The following ANK3 variants were observed in gnomAD, a reference collection of about 807,000 sequenced individuals.
ANK3 encodes the protein ankyrin 3.
Under a neutral mutation model 370.9 loss-of-function variants are expected in ANK3, and 57 were observed. The observed-to-expected ratio is 0.15, with a 90% CI of 0.12 to 0.19. The LOEUF (loss-of-function observed/expected upper bound fraction) is 0.19, where lower values mean the gene tolerates loss of function less well. Among genes scored for constraint, ANK3 ranks in the 10% least tolerant of loss-of-function variants. The pLI is 1.00. For missense variants in ANK3, 4,439 were observed against 5,302.1 expected (o/e 0.84, Z 5.06); for synonymous variants, 1,929 against 1,946.3 (o/e 0.99, Z 0.23).
At chr10:60,176,727 C>G (rs559346085) in intron 18 of ANK3, among the ~76,000 whole-genome samples, 1 of 152,196 alleles carries the variant, frequency 6.6e-6, no homozygotes, top group East Asian at 1.9e-4. Context: ...CAACTGCACT[C>G]CAGCCTGAGT....
chr10:60,407,698 G>C (rs2063482741), intron 2 of ANK3, among the ~76,000 whole-genome samples: 1 of 152,104 alleles, frequency 6.6e-6, no homozygotes, highest in Admixed American at 6.5e-5. Context: ...TGTAAACTGA[G>C]GCTCAAGAGA....
intron 7 of ANK3, among the ~76,000 whole-genome samples, chr10:60,240,306 A>ATATATATATATATATTT (rs11282162): frequency 1.7e-5 from 2 of 119,754 alleles, no homozygotes; most frequent in Middle Eastern, 4.7e-3. Context: ...ATATATATAT[A>ATATATATATATATATTT]TTTTTTTTTC....
At chr10:60,181,926 A>G (rs548491628) in intron 17 of ANK3, among the ~76,000 whole-genome samples, 1 of 152,208 alleles carries the variant, frequency 6.6e-6, no homozygotes, top group East Asian at 1.9e-4. Flanking sequence ...AGCCTTGTAT[A>G]CTCATCACAG....
At chr10:60,370,724 T>C (rs2059993951) in intron 1 of ANK3, among the ~76,000 whole-genome samples, 1 of 152,122 alleles carries the variant, frequency 6.6e-6, no homozygotes, top group Non-Finnish European at 1.5e-5. Flanking sequence ...TTCTCAAAAT[T>C]ATTCAGTAAT....
At chr10:60,163,049 A>T (rs2095536930) in intron 23 of ANK3, among the ~76,000 whole-genome samples, 1 of 152,128 alleles carries the variant, frequency 6.6e-6, no homozygotes, top group African/African-American at 2.4e-5. Context: ...CGCCAAACTC[A>T]ATCACTTGAA....
intron 2 of ANK3, among the ~76,000 whole-genome samples, chr10:60,512,512 G>C (rs1260548292): frequency 6.6e-6 from 1 of 152,134 alleles, no homozygotes; most frequent in Non-Finnish European, 1.5e-5. Flanking sequence ...AGATCTTTCT[G>C]CAGGAGAAAA....
rs531655632 is a variant in ANK3, at chr10:60,279,719, A to G, written c.115-80T>C. On this transcript the variant is annotated intron_variant, in intron 1 of 43. Transcript: ENST00000280772. ...ATAAACTATCCAGCTTAAGGTCCAA[A>G]CTAAAATAATTGAACTCTTTTATTT... The G allele has an allele frequency of 1.1e-5, 11 of 1,045,038 alleles. No individual in the cohort carries two copies. The Admixed American group carries it at 1.2e-4, about 11-fold the overall frequency. The allele number at this position is 1,045,038 out of a possible 1,614,324, so 64.7% of individuals were successfully genotyped here. A position where few individuals can be genotyped will look rare whatever the true frequency, so the allele number is the denominator to read the frequency against.
intron 7 of ANK3, among the ~76,000 whole-genome samples, chr10:60,245,130 C>T (rs1300514692): frequency 6.6e-6 from 1 of 152,026 alleles, no homozygotes; most frequent in East Asian, 1.9e-4. Flanking sequence ...GATTGCGCCA[C>T]TGCACTCCAG....
chr10:60,482,281 C>G (rs1235813724), intron 2 of ANK3, among the ~76,000 whole-genome samples: 1 of 152,176 alleles, frequency 6.6e-6, no homozygotes, highest in Non-Finnish European at 1.5e-5. Context: ...ACATTCATAA[C>G]AGGGGACACT....
At chr10:60,343,415 T>C (rs2132990554) in intron 1 of ANK3, among the ~76,000 whole-genome samples, 1 of 152,246 alleles carries the variant, frequency 6.6e-6, no homozygotes, top group South Asian at 2.1e-4. Flanking sequence ...TTTAAAGTTA[T>C]AAACGTAATC....
chr10:60,429,057 C>A (rs1567033263), intron 2 of ANK3, among the ~76,000 whole-genome samples: 1 of 152,038 alleles, frequency 6.6e-6, no homozygotes, highest in East Asian at 1.9e-4. Context: ...AATTCAACTG[C>A]CAAAAATAAA....
chr10:60,174,581 C>G (rs980225719), intron 18 of ANK3, among the ~76,000 whole-genome samples: 1 of 152,156 alleles, frequency 6.6e-6, no homozygotes, highest in Non-Finnish European at 1.5e-5. Flanking sequence ...AGAACTTCCC[C>G]TTACAAGTCA....
At chr10:60,447,229 T>C (rs138382337) in intron 2 of ANK3, among the ~76,000 whole-genome samples, 130 of 151,640 alleles carry the variant, frequency 8.6e-4, no homozygotes, top group Non-Finnish European at 1.5e-3. Context: ...ATAAGAAAAA[T>C]GAGGAATTTC....
intron 2 of ANK3, among the ~76,000 whole-genome samples, chr10:60,411,588 C>T (rs901907503): frequency 2.0e-5 from 3 of 152,120 alleles, no homozygotes; most frequent in African/African-American, 4.8e-5. Flanking sequence ...GGGCAGGTAC[C>T]TCTGTGCCCC....
chr10:60,030,782 A>G (rs2073305501), intron 43 of ANK3, among the ~76,000 whole-genome samples: 1 of 152,140 alleles, frequency 6.6e-6, no homozygotes, highest in South Asian at 2.1e-4. Context: ...CTCCTGCAAA[A>G]ACCTGGTGCT....
rs752804477 is a variant in ANK3, at chr10:60,074,404, A to T, written c.6477T>A (p.Pro2159=). Residue 2159 remains proline (P), a synonymous_variant, in exon 37 of 44, where the codon CCT becomes CCA. Transcript: ENST00000280772. ...PKPLFHEVPI[P]PVITETRTEV... is the part of the protein sequence containing the mutation. ...CAGTTCTTGTTTCTGTAATGACAGG[A>T]GGGATGGGAACTTCATGAAAAAGTG... The T allele has an allele frequency of 1.2e-6, 2 of 1,614,040 alleles. No individual in the cohort carries two copies. The highest frequency in any genetic ancestry group is 1.7e-6 in the Non-Finnish European group (2 of 1,179,974).
chr10:60,223,179 C>T (rs923534522), intron 8 of ANK3, among the ~76,000 whole-genome samples: 1 of 152,164 alleles, frequency 6.6e-6, no homozygotes, highest in Admixed American at 6.5e-5. Context: ...CCTTATCTCC[C>T]ACCCTGCCAC....
intron 43 of ANK3, among the ~76,000 whole-genome samples, chr10:60,030,736 C>A (rs2073288134): frequency 6.6e-6 from 1 of 152,204 alleles, no homozygotes; most frequent in Non-Finnish European, 1.5e-5. Flanking sequence ...AGTGGTTCCT[C>A]CTGTCTCCTT....
At chr10:60,240,393 C>T (rs1415676182) in intron 7 of ANK3, among the ~76,000 whole-genome samples, 2 of 150,834 alleles carry the variant, frequency 1.3e-5, no homozygotes, top group African/African-American at 4.9e-5. Flanking sequence ...CAACCTCTGC[C>T]TCCTGGGTTC....
Sources: allele counts gnomAD v4.1 joint callset (sites outside exome capture counted in the v4.1 genomes callset), GRCh38; gene constraint gnomAD v4.1.1; transcripts MANE v1.5; gene names NCBI Gene and HGNC (gene_info 2026-07-23, HGNC 2026-07-21).